YLPM1: variants seen among roughly 807,000 people sequenced by gnomAD.
YLPM1 encodes the protein YLP motif-containing protein 1.
Under a neutral mutation model 230.0 loss-of-function variants are expected in YLPM1, and 99 were observed. That is an observed-to-expected ratio of 0.43 (90% CI 0.37 to 0.51). YLPM1 has a LOEUF of 0.51. YLPM1 is among the 20% of genes least tolerant of loss of function. The probability of loss-of-function intolerance (pLI) is 0.00; values close to 1 mark genes in which losing one functional copy is unlikely to be tolerated. For missense variants in YLPM1, 2,592 were observed against 2,707.7 expected, an observed-to-expected ratio of 0.96 and a Z score of 0.95; for synonymous variants, 984 against 942.5, an observed-to-expected ratio of 1.04 and a Z score of -0.81.
At chr14:74,816,514 TG>T (rs1449687057) in intron 12 of YLPM1, 56 bp from the exon 13 acceptor site, 4 of 1,552,862 alleles carry the variant, frequency 2.6e-6, no homozygotes, top group Non-Finnish European at 3.5e-6. Context: ...AACTTTGGTG[TG>T]AACATTAATT....
chr14:74,796,447 A>C (rs1200012592), intron 4 of YLPM1, among the ~76,000 whole-genome samples: 1 of 152,192 alleles, frequency 6.6e-6, no homozygotes, highest in Non-Finnish European at 1.5e-5. Flanking sequence ...ATTTCAGAGA[A>C]GTTGTCTTTT....
intron 1 of YLPM1, among the ~76,000 whole-genome samples, chr14:74,775,599 C>T (rs1348051136): frequency 6.6e-6 from 1 of 152,024 alleles, no homozygotes; most frequent in Non-Finnish European, 1.5e-5. Context: ...AAAAACAAAG[C>T]TCAAAGTGAT....
intron 10 of YLPM1, 80 bp from the exon 11 acceptor site, chr14:74,812,548 C>A: frequency 7.0e-7 from 1 of 1,435,100 alleles, no homozygotes; most frequent in Non-Finnish European, 9.3e-7. Context: ...AATTATATTA[C>A]CTTAGGATGT....
intron 11 of YLPM1, 37 bp downstream of exon 11, chr14:74,812,819 C>A: frequency 6.3e-7 from 1 of 1,592,682 alleles, no homozygotes; most frequent in South Asian, 1.1e-5. Flanking sequence ...TCGTGCAAAC[C>A]AGAAGATAAG....
chr14:74,788,808 C>T (rs1195809875), intron 4 of YLPM1, among the ~76,000 whole-genome samples: 1 of 151,882 alleles, frequency 6.6e-6, no homozygotes, highest in Non-Finnish European at 1.5e-5. Flanking sequence ...TGCACTCCAA[C>T]GTAGGCAACA....
In YLPM1 at chr14:74,799,495, C is replaced by T. The variant is rs200748724; in HGVS notation, c.4198C>T (p.Arg1400Trp). Reference protein sequence around the residue: ...VPDRMDWERERLSDRWYPSDV... With the variant: ...VPDRMDWEREWLSDRWYPSDV... ...TGACAGAATGGACTGGGAAAGAGAA[C>T]GGTTGTCAGACAGATGGTACCCATC... The change falls in exon 5 of 21, where the codon CGG becomes TGG. Residue 1400 changes from arginine to tryptophan, a missense_variant. Physicochemically the swap from Arg to Trp is moderately radical, Grantham distance 101. Transcript: ENST00000325680. 165 of 1,613,742 alleles carry T rather than the reference C, an allele frequency of 1.0e-4. No homozygotes were observed. The highest frequency in any genetic ancestry group is 1.1e-4 in the Non-Finnish European group (128 of 1,179,872).
chr14:74,818,844 A>G (rs2091499342), intron 16 of YLPM1, among the ~76,000 whole-genome samples: 1 of 152,218 alleles, frequency 6.6e-6, no homozygotes, highest in African/African-American at 2.4e-5. Context: ...TGTCATTGTC[A>G]TGAAAGATAA....
chr14:74,798,712 G>T lies in YLPM1; in HGVS notation c.3415G>T (p.Ala1139Ser). The T allele has an allele frequency of 6.2e-7, 1 of 1,612,430 alleles. No homozygotes were observed. Residue 1139 changes from alanine to serine, a missense_variant, in exon 5 of 21, where the codon GCT becomes TCT. Transcript: ENST00000325680. The part of the protein sequence containing the change: ...GSRERIPPRR[A>S]GSRERGPPRG... The stretch of plus-strand genomic sequence containing the variant: ...TAGAGAGAGAATACCACCCCGAAGA[G>T]CTGGGAGCAGGGAGAGAGGACCACC...
At chr14:74,764,400 G>A (rs35864887) in intron 1 of YLPM1, 38 bp downstream of exon 1, 118,120 of 1,542,266 alleles carry the variant, frequency 0.077, 5,355 homozygotes, top group Non-Finnish European at 0.089. Flanking sequence ...CTTTCACCTA[G>A]AGGGCCCTGA....
chr14:74,765,476 C>T (rs1421041038), intron 1 of YLPM1, among the ~76,000 whole-genome samples: 1 of 152,112 alleles, frequency 6.6e-6, no homozygotes, highest in Admixed American at 6.5e-5. Context: ...ACTTGGGATG[C>T]TGAAATAAAG....
In YLPM1 at chr14:74,796,968, C is replaced by CTTTT. The variant is rs3083626; in HGVS notation, c.2283-595_2283-592dup. 5.7e-3 allele frequency among the ~76,000 whole-genome samples: 511 copies of CTTTT among 88,882 alleles called. 23 individuals carry two copies. Among genetic ancestry groups the CTTTT allele is most frequent in the South Asian group, 8.7e-3 (20 of 2,304 alleles). The allele number at this position is 88,882 out of a possible 152,430, so 58.3% of individuals were successfully genotyped here. A position where few individuals can be genotyped will look rare whatever the true frequency, so the allele number is the denominator to read the frequency against. On this transcript the variant is annotated intron_variant, in intron 4 of 20. Coordinates refer to ENST00000325680, the MANE Select transcript of YLPM1 (RefSeq NM_019589.3). ...TCCTAAGGCACAGTATTTATAATTG[C>CTTTT]TTTTTTTTTTTTTTTTTTTTGAGAC... is the stretch of plus-strand genomic sequence containing the variant.
Position 74,836,844 on chromosome 14 carries a change from A to G in YLPM1, c.*1106A>G, listed in dbSNP as rs573149861. ...GTGGAACCCAGAAACATACAGAGATAAAACCCAAATATTATTTCTATGTAA... is the reference window on the plus strand; with the variant it reads ...GTGGAACCCAGAAACATACAGAGATGAAACCCAAATATTATTTCTATGTAA... On this transcript the variant is annotated 3_prime_UTR_variant, in exon 21 of 21. Transcript: ENST00000325680. 6.5e-6 allele frequency: 1 copy of G among 152,754 alleles called. No individual in the cohort carries two copies. The highest frequency in any genetic ancestry group is 1.9e-4 in the East Asian group (1 of 5,190). The allele number at this position is 152,754 out of a possible 1,614,324, so 9.5% of individuals were successfully genotyped here. A position where few individuals can be genotyped will look rare whatever the true frequency, so the allele number is the denominator to read the frequency against.
Position 74,798,998 on chromosome 14 carries a change from A to G in YLPM1, c.3701A>G (p.Tyr1234Cys), listed in dbSNP as rs2091295301. ...TACTGGAGAGAATGTGAACGTGACT[A>G]TCAAGATGATACACTAGAGCTCTAT... Reference protein sequence around the residue: ...ERYWRECERDYQDDTLELYNR... With the variant: ...ERYWRECERDCQDDTLELYNR... Residue 1234 changes from tyrosine to cysteine, a missense_variant, in exon 5 of 21, where the codon TAT becomes TGT. Physicochemically the swap from Tyr to Cys is radical, Grantham distance 194. Around this residue, in one of 4 missense-constraint regions of YLPM1, gnomAD observed 1,862 missense variants for 1,819.8 expected, o/e 1.02. Transcript: ENST00000325680. 6.2e-7 allele frequency: 1 copy of G among 1,613,824 alleles called. No homozygotes were observed. The highest frequency in any genetic ancestry group is 1.3e-5 in the African/African-American group (1 of 74,904).
At chr14:74,773,999 G>T (rs757737971) in intron 1 of YLPM1, among the ~76,000 whole-genome samples, 2 of 151,948 alleles carry the variant, frequency 1.3e-5, no homozygotes, top group African/African-American at 2.4e-5. Context: ...GGGATTACAG[G>T]CATGAGCCAC....
rs998341599 is a variant in YLPM1 at position 74,799,371 on chromosome 14, G to A, written c.4074G>A (p.Glu1358=). ...DDRWREERNR[E]HGYDRDFRDR... is the part of the protein sequence containing the mutation. ...GATGGAGAGAAGAAAGAAATCGAGAGCATGGGTATGATCGAGATTTCCGTG... is the reference window on the plus strand; with the variant it reads ...GATGGAGAGAAGAAAGAAATCGAGAACATGGGTATGATCGAGATTTCCGTG... Residue 1358 remains glutamate, a synonymous_variant, in exon 5 of 21, where the codon GAG becomes GAA. Coordinates refer to ENST00000325680, the MANE Select transcript of YLPM1 (RefSeq NM_019589.3). The A allele has an allele frequency of 8.7e-6, 14 of 1,613,876 alleles. No individual in the cohort carries two copies. The highest frequency in any genetic ancestry group is 1.1e-5 in the Non-Finnish European group (13 of 1,179,900).
intron 4 of YLPM1, among the ~76,000 whole-genome samples, chr14:74,785,993 A>G (rs1239025660): frequency 2.6e-5 from 4 of 152,082 alleles, no homozygotes; most frequent in East Asian, 1.9e-4. Flanking sequence ...TTTTTCACAT[A>G]TAATAAAACT....
chr14:74,781,887 C>T lies in YLPM1; in HGVS notation c.1844C>T (p.Pro615Leu), dbSNP rs748367849. Residue 615 changes from proline to leucine, a missense_variant, in exon 4 of 21, where the codon CCT becomes CTT. Around this residue, in one of 4 missense-constraint regions of YLPM1, gnomAD observed 1,862 missense variants for 1,819.8 expected, o/e 1.02. Coordinates refer to ENST00000325680, the MANE Select transcript of YLPM1 (RefSeq NM_019589.3). Reference sequence around the variant, plus strand: ...CCACCATCTCTCTCTTCAACAGCACCTCCACCTGTCATGCCCCTCCCACCA... The same window carrying T: ...CCACCATCTCTCTCTTCAACAGCACTTCCACCTGTCATGCCCCTCCCACCA... The part of the protein sequence containing the change: ...LPPPSLSSTA[P>L]PPVMPLPPLS... 6.8e-6 allele frequency: 11 copies of T among 1,613,628 alleles called. No homozygotes were observed. Among genetic ancestry groups the T allele is most frequent in the African/African-American group, 4.0e-5 (3 of 74,850 alleles).
At chr14:74,813,293 A>G (rs1026367064) in intron 11 of YLPM1, among the ~76,000 whole-genome samples, 3 of 152,226 alleles carry the variant, frequency 2.0e-5, no homozygotes, top group Non-Finnish European at 4.4e-5. Flanking sequence ...TACTATTACT[A>G]TATAGCTACT....
chr14:74,825,615 G>A (rs970659529), intron 18 of YLPM1, among the ~76,000 whole-genome samples: 5 of 152,024 alleles, frequency 3.3e-5, no homozygotes, highest in South Asian at 2.1e-4. Flanking sequence ...TTATTTCGAC[G>A]TTAGATTAAC....
Sources: gnomAD v4.1 joint callset for allele counts (sites outside exome capture counted in the v4.1 genomes callset) on GRCh38, gnomAD v4.1.1 for gene constraint, gnomAD v4.1.1 regional missense constraint, MANE v1.5 for transcripts, NCBI Gene and HGNC (gene_info 2026-07-23, HGNC 2026-07-21) for gene names.